PLBD1: variants seen among roughly 807,000 people sequenced by gnomAD.
PLBD1 encodes the protein phospholipase B domain containing 1, also known as lysosomal leucine aminopeptidase.
PLBD1 carries 60 observed loss-of-function variants against 63.0 expected under a neutral mutation model. The observed-to-expected ratio is 0.95, with a 90% CI of 0.77 to 1.18. The LOEUF (loss-of-function observed/expected upper bound fraction) is 1.18, where lower values mean the gene tolerates loss of function less well. Ranked by LOEUF, PLBD1 falls within the 50% of genes most tolerant of loss-of-function variation. The pLI is 0.00. For synonymous variants in PLBD1, 262 were observed against 248.0 expected (o/e 1.06, Z -0.53); for missense variants, 598 against 677.9 (o/e 0.88, Z 1.31).
chr12:14,504,910 T>G (rs957292478), intron 10 of PLBD1, among the ~76,000 whole-genome samples: 1 of 152,172 alleles, frequency 6.6e-6, no homozygotes, highest in Non-Finnish European at 1.5e-5. Flanking sequence ...CAGGCCTCTG[T>G]CTCCAGAAGT....
At chr12:14,528,115 AACAG>A (rs1286331764) in intron 6 of PLBD1, among the ~76,000 whole-genome samples, 1 of 152,156 alleles carries the variant, frequency 6.6e-6, no homozygotes, top group African/African-American at 2.4e-5. Flanking sequence ...GAAAATGAGA[AACAG>A]ACAAATTAAT....
chr12:14,519,398 A>T (rs1945359265), intron 6 of PLBD1, among the ~76,000 whole-genome samples: 1 of 152,062 alleles, frequency 6.6e-6, no homozygotes, highest in South Asian at 2.1e-4. Flanking sequence ...AGGCAGGTGG[A>T]TCATGAGGTA....
chr12:14,506,704 C>T (rs1440950983), intron 9 of PLBD1, among the ~76,000 whole-genome samples: 2 of 148,540 alleles, frequency 1.3e-5, no homozygotes, highest in East Asian at 1.9e-4. Context: ...CTGTGTTTTA[C>T]AGATGATTTT....
At chr12:14,557,065 A>G (rs1168863555) in intron 1 of PLBD1, among the ~76,000 whole-genome samples, 1 of 151,666 alleles carries the variant, frequency 6.6e-6, no homozygotes, top group Non-Finnish European at 1.5e-5. Flanking sequence ...AAGCATGTGA[A>G]AAAAAGCTCA....
At chr12:14,531,326 C>T (rs1016509348) in intron 6 of PLBD1, 11 of 152,238 alleles carry the variant, frequency 7.2e-5, no homozygotes, top group Middle Eastern at 3.4e-3. Flanking sequence ...CTTTTTGGAA[C>T]CTGTTTGTTT....
Position 14,540,129 on chromosome 12 carries a change from T to TATATATATATATATATATATATATAC in PLBD1, c.558+634_558+635insGTATATATATATATATATATATATAT, listed in dbSNP as rs1418609619. On this transcript the variant is annotated intron_variant, in intron 4 of 10. Transcript: ENST00000240617. Reference sequence around the variant, plus strand: ...TATTATTTATATATATATATATATATATACTGGCAAAATAGACAAAACATA... The same window carrying TATATATATATATATATATATATATAC: ...TATTATTTATATATATATATATATATATATATATATATATATATATATATACATACTGGCAAAATAGACAAAACATA... Among the ~76,000 whole-genome samples, 4 of 137,118 alleles carry TATATATATATATATATATATATATAC rather than the reference T, an allele frequency of 2.9e-5. 1 individual carries two copies. The highest frequency in any genetic ancestry group is 4.7e-5 in the Non-Finnish European group (3 of 63,984). The allele number at this position is 137,118 out of a possible 152,430, so 90.0% of individuals were successfully genotyped here. A position where few individuals can be genotyped will look rare whatever the true frequency, so the allele number is the denominator to read the frequency against.
chr12:14,537,430 C>G (rs766618811), intron 4 of PLBD1, among the ~76,000 whole-genome samples: 10 of 152,200 alleles, frequency 6.6e-5, no homozygotes, highest in African/African-American at 2.2e-4. Context: ...TTGTGGCAAC[C>G]AAAAATATCT....
chr12:14,562,600 G>C (rs1473889384), intron 1 of PLBD1, among the ~76,000 whole-genome samples: 5 of 151,922 alleles, frequency 3.3e-5, no homozygotes. Context: ...CTGTTTTGCA[G>C]TAGTAAAAAG....
intron 8 of PLBD1, 96 bp downstream of exon 8, chr12:14,511,164 T>TCCC: frequency 1.8e-6 from 1 of 540,870 alleles, no homozygotes; most frequent in Non-Finnish European, 3.2e-6. Flanking sequence ...CACCATACCC[T>TCCC]CCCCCACCAC....
At chr12:14,511,153 CCACCATACCCT>C in intron 8 of PLBD1, 96 bp downstream of exon 8, 2 of 1,116,628 alleles carry the variant, frequency 1.8e-6, no homozygotes, top group Admixed American at 2.5e-5. Context: ...CCTGTCTTCC[CCACCATACCCT>C]CCCCCACCAC....
Position 14,553,268 on chromosome 12 carries a change from C to G in PLBD1, c.260G>C (p.Gly87Ala). 1 of 1,614,122 alleles carries G rather than the reference C, an allele frequency of 6.2e-7. No individual in the cohort carries two copies. The change falls in exon 2 of 11, where the codon GGC (glycine) becomes GCC (alanine). Residue 87 changes from glycine (G) to alanine (A), a missense_variant. Coordinates refer to ENST00000240617, the MANE Select transcript of PLBD1 (RefSeq NM_024829.6). The stretch of plus-strand genomic sequence containing the variant: ...ATTGCTCAGGGTTTGAGAGCCATAG[C>G]CAGCTCTGATCTCCAGGATGCCCCA... The part of the protein sequence containing the change: ...TGWGILEIRA[G>A]YGSQTLSNEI...
At chr12:14,547,029 T>C (rs911585201) in intron 2 of PLBD1, among the ~76,000 whole-genome samples, 12 of 152,064 alleles carry the variant, frequency 7.9e-5, no homozygotes, top group South Asian at 2.1e-4. Context: ...TACAGGCGTG[T>C]GCCACCACAC....
At chr12:14,540,106 T>TTTTTTTTATATA (rs71448876) in intron 4 of PLBD1, among the ~76,000 whole-genome samples, 1 of 64,032 alleles carries the variant, frequency 1.6e-5, no homozygotes, top group African/African-American at 5.9e-5. Context: ...AATATAAATA[T>TTTTTTTTATATA]TATTTATATA....
At chr12:14,544,146 G>A (rs1565578624) in intron 2 of PLBD1, among the ~76,000 whole-genome samples, 1 of 151,804 alleles carries the variant, frequency 6.6e-6, no homozygotes, top group Non-Finnish European at 1.5e-5. Flanking sequence ...CTGCATTATA[G>A]CAATTTAAAA....
intron 10 of PLBD1, among the ~76,000 whole-genome samples, chr12:14,505,409 C>T (rs908007128): frequency 6.6e-6 from 1 of 152,190 alleles, no homozygotes; most frequent in Non-Finnish European, 1.5e-5. Context: ...ATGATTCCAC[C>T]AACCAAATGC....
chr12:14,549,347 G>C (rs1945639266), intron 2 of PLBD1, among the ~76,000 whole-genome samples: 1 of 152,104 alleles, frequency 6.6e-6, no homozygotes, highest in African/African-American at 2.4e-5. Flanking sequence ...ATCTTAAAAA[G>C]GTTCATCAAG....
chr12:14,535,904 A>G lies in PLBD1; in HGVS notation c.700-101T>C, dbSNP rs971242147. The G allele has an allele frequency of 3.2e-6, 4 of 1,256,834 alleles. No homozygotes were observed. In the African/African-American group the frequency reaches 4.5e-5, roughly 14 times the overall value. The allele number at this position is 1,256,834 out of a possible 1,614,324, so 77.9% of individuals were successfully genotyped here. A position where few individuals can be genotyped will look rare whatever the true frequency, so the allele number is the denominator to read the frequency against. On this transcript the variant is annotated intron_variant, in intron 5 of 10. Transcript: ENST00000240617. Reference sequence around the variant, plus strand: ...TACAGGGATTGTGCCATTTCAGGTAAGTGTTTATTGCTATACTGATTATTG... The same window carrying G: ...TACAGGGATTGTGCCATTTCAGGTAGGTGTTTATTGCTATACTGATTATTG...
intron 6 of PLBD1, among the ~76,000 whole-genome samples, chr12:14,521,035 T>C (rs1485977749): frequency 6.6e-6 from 1 of 152,158 alleles, no homozygotes; most frequent in Non-Finnish European, 1.5e-5. Context: ...AACCACTGTT[T>C]GTTTCTCCCC....
rs759241417 is a variant in PLBD1, at chr12:14,506,989, C to G, written c.1316G>C (p.Arg439Pro). The G allele has an allele frequency of 6.2e-7, 1 of 1,613,910 alleles. No individual in the cohort carries two copies. Among genetic ancestry groups the G allele is most frequent in the African/African-American group, 1.3e-5 (1 of 74,892 alleles). The change falls in exon 9 of 11, where the codon CGT becomes CCT. Residue 439 changes from arginine to proline, a missense_variant. By Grantham distance (103) the Arg-to-Pro change is moderately radical (BLOSUM62 -2). Transcript: ENST00000240617. ...CGTATCAGTCACTTTCCCTTGGTCA[C>G]GCCGGAAAATTTTGGCTCGTGGAGC... ...DLAPRAKIFR[R>P]DQGKVTDTAS...
Sources: gnomAD v4.1 joint callset for allele counts (sites outside exome capture counted in the v4.1 genomes callset) on GRCh38, gnomAD v4.1.1 for gene constraint, MANE v1.5 for transcripts, NCBI Gene and HGNC (gene_info 2026-07-23, HGNC 2026-07-21) for gene names.